FST: variants seen among roughly 807,000 people sequenced by gnomAD.
The protein encoded by FST is activin-binding protein.
A neutral mutation model predicts 38.4 loss-of-function variants in FST; 6 were observed. That is an observed-to-expected ratio of 0.16 (90% confidence interval 0.09 to 0.31). The LOEUF is 0.31. Among genes scored for constraint, FST ranks in the 10% least tolerant of loss-of-function variants. FST has a pLI of 1.00. For missense variants in FST, 301 were observed against 432.3 expected, an observed-to-expected ratio of 0.70 and a Z score of 2.69; for synonymous variants, 157 against 169.8, an observed-to-expected ratio of 0.92 and a Z score of 0.59.
In FST at chr5:53,485,238, T is replaced by C. The variant is rs1176760920; in HGVS notation, c.952+11T>C. 1.4e-6 allele frequency: 2 copies of C among 1,439,376 alleles called. No homozygotes were observed. The highest frequency in any genetic ancestry group is 1.4e-5 in the African/African-American group (1 of 71,762). The allele number at this position is 1,439,376 out of a possible 1,614,324, so 89.2% of individuals were successfully genotyped here. ...CCGGATCTTGCAACTGTAAGTGCGA[T>C]TTTTAACCTTGCTGCCATTTAAGGC... On this transcript the variant is annotated intron_variant, in intron 5 of 5. Coordinates refer to ENST00000256759, the MANE Select transcript of FST (RefSeq NM_013409.3).
intron 1 of FST, among the ~76,000 whole-genome samples, chr5:53,481,307 G>A (rs1298326022): frequency 9.9e-5 from 15 of 151,288 alleles, no homozygotes; most frequent in African/African-American, 3.4e-4. Flanking sequence ...AGAAAACCTG[G>A]GGGTTTGGGG....
intron 1 of FST, among the ~76,000 whole-genome samples, chr5:53,481,463 A>AAAAAAAAAAC: frequency 6.4e-5 from 1 of 15,734 alleles, no homozygotes; most frequent in Non-Finnish European, 1.4e-4. Context: ...CCATTCTCGC[A>AAAAAAAAAAC]AAAAAAAAAA....
rs1356253097 is a variant in FST at position 53,483,815 on chromosome 5, G to C, written c.496+93G>C. 1 of 862,772 alleles carries C rather than the reference G, an allele frequency of 1.2e-6. No homozygotes were observed. The highest frequency in any genetic ancestry group is 1.9e-6 in the Non-Finnish European group (1 of 538,992). 53.4% of individuals were successfully genotyped at this position (862,772 alleles called of 1,614,324 possible). A position where few individuals can be genotyped will look rare whatever the true frequency, so the allele number is the denominator to read the frequency against. The stretch of plus-strand genomic sequence containing the variant: ...CTCTAGAAGACCCTTGGGGGATGGT[G>C]TAGTCCGCAGTAAGAGCCTGATAAT... On this transcript the variant is annotated intron_variant, in intron 3 of 5. Transcript: ENST00000256759. This position sits in a 1 kb window ranked among gnomAD's most constrained non-coding sequence, Gnocchi z 4.1.
In FST at chr5:53,483,801, C is replaced by T. The variant is rs1042254742; in HGVS notation, c.496+79C>T. Reference sequence around the variant, plus strand: ...ACCTAAAGTAGACCCTCTAGAAGACCCTTGGGGGATGGTGTAGTCCGCAGT... The same window carrying T: ...ACCTAAAGTAGACCCTCTAGAAGACTCTTGGGGGATGGTGTAGTCCGCAGT... On this transcript the variant is annotated intron_variant, in intron 3 of 5. Transcript: ENST00000256759. This position sits in a 1 kb window ranked among gnomAD's most constrained non-coding sequence, Gnocchi z 4.1. 14 of 1,052,246 alleles carry T rather than the reference C, an allele frequency of 1.3e-5. No individual in the cohort carries two copies. The highest frequency in any genetic ancestry group is 2.0e-5 in the Non-Finnish European group (14 of 694,476). 65.2% of individuals were successfully genotyped at this position (1,052,246 alleles called of 1,614,324 possible).
In FST at chr5:53,483,628, G is replaced by C; in HGVS notation, c.402G>C (p.Leu134=). The change falls in exon 3 of 6, where the codon CTG becomes CTC. Residue 134 remains leucine, a synonymous_variant. Coordinates refer to ENST00000256759, the MANE Select transcript of FST (RefSeq NM_013409.3). The surrounding 1 kb of genome is among the most constrained non-coding windows in gnomAD (Gnocchi z 4.1). ...CCTGGAAGGGTCCAGTCTGCGGGCT[G>C]GATGGGAAAACCTACCGCAATGAAT... ...NITWKGPVCG[L]DGKTYRNECA... 1.5e-5 allele frequency: 24 copies of C among 1,614,202 alleles called. No homozygotes were observed. The highest frequency in any genetic ancestry group is 2.0e-5 in the Non-Finnish European group (24 of 1,180,016).
At chr5:53,485,667 C>A in intron 5 of FST, 1 of 1,501,234 alleles carries the variant, frequency 6.7e-7, no homozygotes, top group Non-Finnish European at 9.3e-7. Flanking sequence ...AACACAAGAG[C>A]GCTTTTTATC....
chr5:53,482,301 TCTC>T (rs1223180517), intron 1 of FST, among the ~76,000 whole-genome samples: 1 of 151,900 alleles, frequency 6.6e-6, no homozygotes, highest in Non-Finnish European at 1.5e-5. Context: ...TTTCTTTCTT[TCTC>T]TTCTTTCTTT....
In FST at chr5:53,484,072, C is replaced by A. The variant is rs1747401649; in HGVS notation, c.500C>A (p.Thr167Asn). 1 of 1,612,668 alleles carries A rather than the reference C, an allele frequency of 6.2e-7. No individual in the cohort carries two copies. The highest frequency in any genetic ancestry group is 1.7e-4 in the Middle Eastern group (1 of 6,032). The change falls in exon 4 of 6, where the codon ACT becomes AAT. Residue 167 changes from threonine to asparagine, a missense_variant. Transcript: ENST00000256759. Reference protein sequence around the residue: ...EVQYQGRCKKTCRDVFCPGSS... With the variant: ...EVQYQGRCKKNCRDVFCPGSS... ...TGTGTTTCCTTCTTTGTTCCAGAGA[C>A]TTGTCGGGATGTTTTCTGTCCAGGC...
intron 1 of FST, among the ~76,000 whole-genome samples, chr5:53,482,088 C>G (rs144431908): frequency 1.0e-3 from 157 of 152,324 alleles, no homozygotes; most frequent in Middle Eastern, 3.4e-3. Context: ...CGGGCGTGCT[C>G]CGGTCTGGCG....
rs779780430 is a variant in FST, at chr5:53,485,024, G to A, written c.749G>A (p.Cys250Tyr). 6.2e-7 allele frequency: 1 copy of A among 1,603,376 alleles called. No individual in the cohort carries two copies. The highest frequency in any genetic ancestry group is 8.5e-7 in the Non-Finnish European group (1 of 1,170,176). ...IKAKSCEDIQ[C>Y]TGGKKCLWDF... Reference sequence around the variant, plus strand: ...GCAAAGTCCTGTGAAGATATCCAGTGCACTGGTGGGAAAAAATGTTTATGG... The same window carrying A: ...GCAAAGTCCTGTGAAGATATCCAGTACACTGGTGGGAAAAAATGTTTATGG... The change falls in exon 5 of 6, where the codon TGC becomes TAC. Residue 250 changes from cysteine (C) to tyrosine (Y), a missense_variant. Cys to Tyr is a radical substitution (Grantham distance 194). Transcript: ENST00000256759.
intron 4 of FST, 77 bp downstream of exon 4, chr5:53,484,370 G>A: frequency 6.7e-7 from 1 of 1,494,854 alleles, no homozygotes; most frequent in Non-Finnish European, 9.0e-7. Context: ...TAACTAATAA[G>A]TAAAGCCCAA....
intron 1 of FST, among the ~76,000 whole-genome samples, chr5:53,481,488 C>CAAAAAAAAAAAAA (rs1747211810): frequency 6.2e-5 from 3 of 48,180 alleles, no homozygotes; most frequent in African/African-American, 2.2e-4. Flanking sequence ...AAAAAAAAAG[C>CAAAAAAAAAAAAA]CAAATTATTA....
chr5:53,483,978 T>A lies in FST; in HGVS notation c.497-91T>A, dbSNP rs1747396588. Reference sequence around the variant, plus strand: ...TAAGTGCCTTTTGAAAGCTGGATGCTTCAGTGTCATGATTTCCTTGGTAAC... The same window carrying A: ...TAAGTGCCTTTTGAAAGCTGGATGCATCAGTGTCATGATTTCCTTGGTAAC... On this transcript the variant is annotated intron_variant, in intron 3 of 5. Transcript: ENST00000256759. This position sits in a 1 kb window ranked among gnomAD's most constrained non-coding sequence, Gnocchi z 4.1. The A allele has an allele frequency of 3.6e-6, 4 of 1,104,120 alleles. No individual in the cohort carries two copies. Among genetic ancestry groups the A allele is most frequent in the Non-Finnish European group, 5.4e-6 (4 of 742,134 alleles). The allele number at this position is 1,104,120 out of a possible 1,614,324, so 68.4% of individuals were successfully genotyped here. A position where few individuals can be genotyped will look rare whatever the true frequency, so the allele number is the denominator to read the frequency against.
Position 53,485,101 on chromosome 5 carries a change from G to A in FST, c.826G>A (p.Asp276Asn). 6.2e-7 allele frequency: 1 copy of A among 1,611,912 alleles called. No individual in the cohort carries two copies. The highest frequency in any genetic ancestry group is 8.5e-7 in the Non-Finnish European group (1 of 1,177,948). Reference protein sequence around the residue: ...RCSLCDELCPDSKSDEPVCAS... With the variant: ...RCSLCDELCPNSKSDEPVCAS... ...TTCCCTCTGTGATGAGCTGTGCCCTGACAGTAAGTCGGATGAGCCTGTCTG... is the reference window on the plus strand; with the variant it reads ...TTCCCTCTGTGATGAGCTGTGCCCTAACAGTAAGTCGGATGAGCCTGTCTG... The change falls in exon 5 of 6, where the codon GAC (aspartate) becomes AAC (asparagine). Residue 276 changes from aspartate to asparagine, a missense_variant. Transcript: ENST00000256759.
chr5:53,485,252 G>T (rs1296168537), intron 5 of FST, 25 bp downstream of exon 5: 6 of 1,242,800 alleles, frequency 4.8e-6, no homozygotes, highest in Non-Finnish European at 7.1e-6. Context: ...TAACCTTGCT[G>T]CCATTTAAGG....
rs1450138837 is a variant in FST at position 53,480,696 on chromosome 5, C to T, written c.-96C>T. The T allele has an allele frequency of 9.8e-6, 2 of 204,668 alleles. No homozygotes were observed. Among genetic ancestry groups the T allele is most frequent in the Non-Finnish European group, 1.7e-5 (2 of 116,104 alleles). The allele number at this position is 204,668 out of a possible 1,614,324, so 12.7% of individuals were successfully genotyped here. On this transcript the variant is annotated 5_prime_UTR_variant, in exon 1 of 6. Coordinates refer to ENST00000256759, the MANE Select transcript of FST (RefSeq NM_013409.3). Reference sequence around the variant, plus strand: ...GCGCCGGGATCGCTGCGCCCTCCGCCGCTGGCCTCTGCGACGCGCGCCGCT... The same window carrying T: ...GCGCCGGGATCGCTGCGCCCTCCGCTGCTGGCCTCTGCGACGCGCGCCGCT...
Position 53,483,416 on chromosome 5 carries a change from ATGATT to A in FST, c.278-87_278-83del, listed in dbSNP as rs1747360426. ...CCCTCCAGCGCAAACTCAGGGCTGC[ATGATT>A]GCGCAAGGCACCCGAAGCCCTCCTG... On this transcript the variant is annotated intron_variant, in intron 2 of 5. Coordinates refer to ENST00000256759, the MANE Select transcript of FST (RefSeq NM_013409.3). This position sits in a 1 kb window ranked among gnomAD's most constrained non-coding sequence, Gnocchi z 4.1. The A allele has an allele frequency of 2.0e-6, 2 of 994,428 alleles. No homozygotes were observed. The highest frequency in any genetic ancestry group is 2.0e-5 in the Admixed American group (1 of 51,228). 61.6% of individuals were successfully genotyped at this position (994,428 alleles called of 1,614,324 possible).
At position 53,483,842 on chromosome 5, in the gene FST, G is replaced by T; in HGVS notation, c.496+120G>T. On this transcript the variant is annotated intron_variant, in intron 3 of 5. Transcript: ENST00000256759. The surrounding 1 kb of genome is among the most constrained non-coding windows in gnomAD (Gnocchi z 4.1). ...AGTCCGCAGTAAGAGCCTGATAATA[G>T]TAATACTGAAACCAAATAAAGGAGT... The T allele has an allele frequency of 1.3e-6, 1 of 748,742 alleles. No individual in the cohort carries two copies. The highest frequency in any genetic ancestry group is 2.2e-6 in the Non-Finnish European group (1 of 451,450). 46.4% of individuals were successfully genotyped at this position (748,742 alleles called of 1,614,324 possible). A position where few individuals can be genotyped will look rare whatever the true frequency, so the allele number is the denominator to read the frequency against.
At position 53,486,782 on chromosome 5, in the gene FST, A is replaced by G. The variant is rs1328177420; in HGVS notation, c.*749A>G. Reference sequence around the variant, plus strand: ...TGTACTTTTAAGATGTTACAGATACAAAGAAATGATGTGGGTGTCAGGAGA... The same window carrying G: ...TGTACTTTTAAGATGTTACAGATACGAAGAAATGATGTGGGTGTCAGGAGA... On this transcript the variant is annotated 3_prime_UTR_variant, in exon 6 of 6. Transcript: ENST00000256759. The G allele has an allele frequency of 1.3e-5, 2 of 152,242 alleles. No individual in the cohort carries two copies. Among genetic ancestry groups the G allele is most frequent in the Admixed American group, 1.3e-4 (2 of 15,286 alleles). The allele number at this position is 152,242 out of a possible 1,614,324, so 9.4% of individuals were successfully genotyped here.
Sources: gnomAD v4.1 joint callset for allele counts (sites outside exome capture counted in the v4.1 genomes callset) on GRCh38, gnomAD v4.1.1 for gene constraint, Gnocchi (gnomAD v3.1) non-coding constraint, MANE v1.5 for transcripts, NCBI Gene and HGNC (gene_info 2026-07-23, HGNC 2026-07-21) for gene names.